Variants in CUBN observed in about 807,000 individuals in gnomAD.
CUBN encodes the protein 460 kDa receptor.
In CUBN, 282 loss-of-function variants were observed where a neutral mutation model predicts 405.3. The ratio of observed to expected loss-of-function variants is 0.70; its 90% CI spans 0.63 to 0.77. The LOEUF is 0.77. CUBN is among the 30% of genes least tolerant of loss of function. The pLI is 0.00. For missense variants in CUBN, 4,514 were observed against 4,475.2 expected, an observed-to-expected ratio of 1.01 and a Z score of -0.25; for synonymous variants, 1,684 against 1,617.0, an observed-to-expected ratio of 1.04 and a Z score of -0.99.
intron 43 of CUBN, among the ~76,000 whole-genome samples, chr10:16,924,178 CT>C (rs1441537966): frequency 3.9e-5 from 6 of 152,184 alleles, no homozygotes; most frequent in Admixed American, 3.9e-4. Flanking sequence ...GACACTGCTA[CT>C]CTTGAAATGC....
chr10:16,962,090 G>A (rs866628867), intron 31 of CUBN, among the ~76,000 whole-genome samples: 1 of 152,172 alleles, frequency 6.6e-6, no homozygotes, highest in Admixed American at 6.5e-5. Flanking sequence ...GTTATTTTAT[G>A]TTGTTGGGGA....
At chr10:16,913,499 T>C (rs752394035) in intron 48 of CUBN, among the ~76,000 whole-genome samples, 1 of 152,182 alleles carries the variant, frequency 6.6e-6, no homozygotes, top group Non-Finnish European at 1.5e-5. Flanking sequence ...CTGGTCCCAT[T>C]CAGCTGTGTG....
At position 17,109,748 on chromosome 10, in the gene CUBN, A is replaced by G. The variant is rs538441200; in HGVS notation, c.1016-13T>C. On this transcript the variant is annotated splice_polypyrimidine_tract_variant and intron_variant, in intron 9 of 66. Coordinates refer to ENST00000377833, the MANE Select transcript of CUBN (RefSeq NM_001081.4). ...TCACCCTGGTACCCTGATGAGAACA[A>G]GAGCCAGGTCATAAGAAACAATGTC... 2 of 1,603,548 alleles carry G rather than the reference A, an allele frequency of 1.2e-6. No homozygotes were observed. Among genetic ancestry groups the G allele is most frequent in the South Asian group, 2.2e-5 (2 of 90,826 alleles).
rs142286571 is a variant in CUBN at position 17,051,470 on chromosome 10, T to C, written c.3140-3867A>G. Among the ~76,000 whole-genome samples the C allele has an allele frequency of 3.6e-3, 548 of 152,258 alleles. 4 individuals carry two copies. Among genetic ancestry groups the C allele is most frequent in the African/African-American group, 0.013 (522 of 41,560 alleles). ...TGAGAAAAAAAATGTCATCTTGTGA[T>C]TCAAAGATGATCCAGGTGTTAGATT... On this transcript the variant is annotated intron_variant, in intron 22 of 66. Coordinates refer to ENST00000377833, the MANE Select transcript of CUBN (RefSeq NM_001081.4).
chr10:16,857,375 TAGCTGTAGTTAATAGAAAAAG>T (rs1006765839), intron 59 of CUBN, among the ~76,000 whole-genome samples: 2 of 152,188 alleles, frequency 1.3e-5, no homozygotes, highest in African/African-American at 4.8e-5. Flanking sequence ...AGCTAATCAG[TAGCTGTAGTTAATAGAAAAAG>T]AGCAATACTT....
chr10:17,003,173 A>C (rs1833934559), intron 28 of CUBN, among the ~76,000 whole-genome samples: 1 of 152,158 alleles, frequency 6.6e-6, no homozygotes, highest in Admixed American at 6.5e-5. Context: ...TTCTACCAAA[A>C]CCAAGCAGGA....
At chr10:17,036,018 A>G (rs1834889594) in intron 27 of CUBN, among the ~76,000 whole-genome samples, 1 of 152,036 alleles carries the variant, frequency 6.6e-6, no homozygotes, top group African/African-American at 2.4e-5. Context: ...TTGAAAGTTA[A>G]ATTAAAAAAA....
At chr10:17,059,335 T>A (rs1045169117) in intron 22 of CUBN, among the ~76,000 whole-genome samples, 5 of 152,046 alleles carry the variant, frequency 3.3e-5, no homozygotes, top group African/African-American at 1.2e-4. Context: ...AACAATGATA[T>A]CAGTCCCATA....
chr10:16,854,996 CCTTTT>C (rs1004170906), intron 59 of CUBN, among the ~76,000 whole-genome samples: 1 of 140,892 alleles, frequency 7.1e-6, no homozygotes, highest in Non-Finnish European at 1.5e-5. Flanking sequence ...CCTTTCCTTT[CCTTTT>C]TTCTCTCTCT....
intron 60 of CUBN, among the ~76,000 whole-genome samples, chr10:16,843,853 T>C: frequency 6.6e-6 from 1 of 152,296 alleles, no homozygotes. Flanking sequence ...CATAAATATA[T>C]GTGTATATAA....
intron 21 of CUBN, among the ~76,000 whole-genome samples, chr10:17,066,886 C>G (rs1835622506): frequency 1.3e-5 from 2 of 151,920 alleles, no homozygotes. Flanking sequence ...AACAAAAATC[C>G]TGGACAAAAA....
At chr10:17,127,960 T>A in intron 2 of CUBN, 36 bp from the exon 3 acceptor site, 1 of 1,327,320 alleles carries the variant, frequency 7.5e-7, no homozygotes, top group Non-Finnish European at 1.1e-6. Context: ...TGAAGAGCAC[T>A]AGTGAAAATA....
intron 17 of CUBN, among the ~76,000 whole-genome samples, chr10:17,073,523 C>G (rs191673691): frequency 6.7e-6 from 1 of 150,146 alleles, no homozygotes; most frequent in Admixed American, 6.6e-5. Flanking sequence ...CTCAGTTCAC[C>G]GCAACCTCTG....
At chr10:17,084,042 C>T (rs1001692719) in intron 17 of CUBN, among the ~76,000 whole-genome samples, 2 of 152,208 alleles carry the variant, frequency 1.3e-5, no homozygotes, top group Admixed American at 1.3e-4. Context: ...GGGTTGAGTT[C>T]TTTCCTGTAT....
intron 10 of CUBN, among the ~76,000 whole-genome samples, chr10:17,109,101 G>A (rs566914724): frequency 1.3e-5 from 2 of 152,252 alleles, no homozygotes; most frequent in East Asian, 3.9e-4. Context: ...TACATAAATT[G>A]ATACAATCTT....
chr10:17,058,031 A>C (rs919354032), intron 22 of CUBN, among the ~76,000 whole-genome samples: 1 of 152,012 alleles, frequency 6.6e-6, no homozygotes, highest in Non-Finnish European at 1.5e-5. Context: ...CTGAGGCAAG[A>C]GAATCGCTTG....
Position 17,085,600 on chromosome 10 carries a change from G to C in CUBN, c.2107C>G (p.Pro703Ala). The C allele has an allele frequency of 6.2e-7, 1 of 1,613,888 alleles. No individual in the cohort carries two copies. Among genetic ancestry groups the C allele is most frequent in the Non-Finnish European group, 8.5e-7 (1 of 1,179,768 alleles). ...QGFHITYLTS[P>A]SDLRCGGNYT... ...CCCCAACTGGTAGGTTACTTACAAG[G>C]TGATGTTAAGTAGGTGATATGGAAG... The change falls in exon 16 of 67, where the codon CCT becomes GCT. Residue 703 changes from proline (P) to alanine (A), a missense_variant. Pro to Ala is a conservative substitution (Grantham distance 27). Around this residue, in one of 5 missense-constraint regions of CUBN, gnomAD observed 1,448 missense variants for 1,388.0 expected, o/e 1.04. Transcript: ENST00000377833.
chr10:17,051,879 G>A (rs4747295), intron 22 of CUBN, among the ~76,000 whole-genome samples: 142,104 of 152,114 alleles, frequency 0.93, 66,410 homozygotes, highest in African/African-American at 0.96. Context: ...GGCCAAAAAA[G>A]GAGAAGGAAA....
At chr10:17,077,881 T>G (rs190978260) in intron 17 of CUBN, among the ~76,000 whole-genome samples, 2 of 152,352 alleles carry the variant, frequency 1.3e-5, no homozygotes, top group East Asian at 3.9e-4. Flanking sequence ...TTTTTAGAGT[T>G]GGTATTTTAA....
Sources: gnomAD v4.1 joint callset for allele counts (sites outside exome capture counted in the v4.1 genomes callset) on GRCh38, gnomAD v4.1.1 for gene constraint, gnomAD v4.1.1 regional missense constraint, MANE v1.5 for transcripts, NCBI Gene and HGNC (gene_info 2026-07-23, HGNC 2026-07-21) for gene names.